The following ASMTL variants were observed in gnomAD, a reference collection of about 807,000 sequenced individuals.
The protein encoded by ASMTL is acetylserotonin O-methyltransferase like.
In ASMTL, 57 loss-of-function variants were observed where a neutral mutation model predicts 60.3. That is an observed-to-expected ratio of 0.95 (90% CI 0.76 to 1.18). ASMTL has a LOEUF of 1.18. Among genes scored for constraint, ASMTL ranks in the 50% most tolerant of loss-of-function variants. The pLI is 0.00. For missense variants in ASMTL, 981 were observed against 852.6 expected (o/e 1.15, Z -1.88); for synonymous variants, 419 against 373.0 (o/e 1.12, Z -1.42).
chrX:1,432,967 A>AGG (rs2090846689), intron 5 of ASMTL, among the ~76,000 whole-genome samples: 1 of 151,054 alleles, frequency 6.6e-6, no homozygotes, highest in Non-Finnish European at 1.5e-5. Context: ...GCGTGGTGGC[A>AGG]TGCACCTGTC....
Position 1,435,622 on chromosome X carries a change from CA to C in ASMTL, c.338+71del, listed in dbSNP as rs1269476326. ...CAGAGATCCACCCTGCTCCCCAGGACACCCGGCCAGATACCACAGCTACTCT... is the reference window on the plus strand; with the variant it reads ...CAGAGATCCACCCTGCTCCCCAGGACCCCGGCCAGATACCACAGCTACTCT... On this transcript the variant is annotated intron_variant, in intron 4 of 12. Coordinates refer to ENST00000381317, the MANE Select transcript of ASMTL (RefSeq NM_004192.4). 861 of 1,470,328 alleles carry C rather than the reference CA, an allele frequency of 5.9e-4. 1 individual carries two copies. The highest frequency in any genetic ancestry group is 9.2e-4 in the Admixed American group (54 of 58,892). 91.1% of individuals were successfully genotyped at this position (1,470,328 alleles called of 1,614,324 possible).
Position 1,432,040 on chromosome X carries a change from T to C in ASMTL, c.509+229A>G, listed in dbSNP as rs1288731458. 11 of 584,338 alleles carry C rather than the reference T, an allele frequency of 1.9e-5. 1 individual carries two copies. The highest frequency in any genetic ancestry group is 4.1e-5 in the South Asian group (2 of 48,752). 36.2% of individuals were successfully genotyped at this position (584,338 alleles called of 1,614,324 possible). A position where few individuals can be genotyped will look rare whatever the true frequency, so the allele number is the denominator to read the frequency against. ...CCCAGTCCCCACCGCAGCCCAGCGT[T>C]GGCTCCCACCCTGCCCCTCTCTGTC... On this transcript the variant is annotated intron_variant, in intron 6 of 12. Coordinates refer to ENST00000381317, the MANE Select transcript of ASMTL (RefSeq NM_004192.4).
intron 11 of ASMTL, among the ~76,000 whole-genome samples, chrX:1,417,439 CAAG>C (rs1156683841): frequency 6.6e-6 from 1 of 151,500 alleles, no homozygotes; most frequent in East Asian, 1.9e-4. Context: ...GACACACACA[CAAG>C]GACATACTAC....
rs190461810 is a variant in ASMTL, at chrX:1,425,242, C to T, written c.1060+283G>A. Among the ~76,000 whole-genome samples, 11 of 152,240 alleles carry T rather than the reference C, an allele frequency of 7.2e-5. No individual in the cohort carries two copies. In the East Asian group the frequency reaches 9.6e-4, roughly 13 times the overall value. ...CAACTAAATCAATGTCTGTGTACAC[C>T]GTATTGGGTTCTGTTTCTCAGGAGA... On this transcript the variant is annotated intron_variant, in intron 8 of 12. Coordinates refer to ENST00000381317, the MANE Select transcript of ASMTL (RefSeq NM_004192.4).
At chrX:1,428,408 G>A (rs1188512822) in intron 6 of ASMTL, among the ~76,000 whole-genome samples, 1 of 151,672 alleles carries the variant, frequency 6.6e-6, no homozygotes, top group Non-Finnish European at 1.5e-5. Context: ...TTGGGAGGCC[G>A]AGACGGGTGG....
upstream of ASMTL, among the ~76,000 whole-genome samples, chrX:1,453,176 G>A (rs1432028097): frequency 6.8e-6 from 1 of 147,052 alleles, no homozygotes; most frequent in Non-Finnish European, 1.5e-5. Context: ...GCCACGCCCA[G>A]GCCACACCTC....
In ASMTL at chrX:1,418,965, G is replaced by GT. The variant is rs1280110967; in HGVS notation, c.1378+16_1378+17insA. Reference sequence around the variant, plus strand: ...ATAAACGAAAGTAAGGAGAGCCCTGGCGGGGGGGCCACCCACCTCCCACGT... The same window carrying GT: ...ATAAACGAAAGTAAGGAGAGCCCTGGTCGGGGGGGCCACCCACCTCCCACGT... On this transcript the variant is annotated intron_variant, in intron 10 of 12. Transcript: ENST00000381317. 4.3e-6 allele frequency: 7 copies of GT among 1,610,872 alleles called. No homozygotes were observed. The African/African-American group carries it at 8.1e-5, about 19-fold the overall frequency.
At chrX:1,444,579 G>A (rs1356389892) in intron 1 of ASMTL, among the ~76,000 whole-genome samples, 3 of 152,092 alleles carry the variant, frequency 2.0e-5, no homozygotes, top group Non-Finnish European at 2.9e-5. Context: ...CAGGTGTTAC[G>A]GACAGAGGCC....
At chrX:1,440,394 A>G (rs2091081733) in intron 2 of ASMTL, among the ~76,000 whole-genome samples, 1 of 152,054 alleles carries the variant, frequency 6.6e-6, no homozygotes, top group African/African-American at 2.4e-5. Context: ...CCGGCCCCGA[A>G]TGTATTTCTT....
chrX:1,439,055 C>T, intron 3 of ASMTL, 42 bp downstream of exon 3: 1 of 1,608,374 alleles, frequency 6.2e-7, no homozygotes. Flanking sequence ...CACAGGAAAA[C>T]CACATCGGAC....
intron 8 of ASMTL, among the ~76,000 whole-genome samples, chrX:1,423,600 CCACCCACCCATCTGCTG>C (rs2090533291): frequency 7.2e-6 from 1 of 139,628 alleles, no homozygotes; most frequent in Non-Finnish European, 1.5e-5. Flanking sequence ...ATCTAGTCAT[CCACCCACCCATCTGCTG>C]ATCCACCCAT....
At position 1,452,841 on chromosome X, in the gene ASMTL, G is replaced by A. The variant is rs372864279; in HGVS notation, c.-1C>T. On this transcript the variant is annotated 5_prime_UTR_variant, in exon 1 of 13. Transcript: ENST00000381317. ...TCCCAATCACCGGGCACAGCACCAT[G>A]GCGTCCACGCCGGGAGCCGGGCGTC... is the stretch of plus-strand genomic sequence containing the variant. 6.2e-5 allele frequency: 98 copies of A among 1,575,702 alleles called. No homozygotes were observed. The Middle Eastern group carries it at 9.1e-4, about 15-fold the overall frequency.
At chrX:1,426,406 G>A (rs73180940) in intron 7 of ASMTL, among the ~76,000 whole-genome samples, 16,890 of 152,012 alleles carry the variant, frequency 0.11, 1,130 homozygotes, top group Admixed American at 0.15. Context: ...TCATCAGCCC[G>A]TCTCCCTGTC....
chrX:1,428,095 T>C lies in ASMTL; in HGVS notation c.536A>G (p.Gln179Arg). Residue 179 changes from glutamine to arginine, a missense_variant, in exon 7 of 13, where the codon CAG becomes CGG. Gln to Arg is a conservative substitution (Grantham distance 43). Coordinates refer to ENST00000381317, the MANE Select transcript of ASMTL (RefSeq NM_004192.4). The part of the protein sequence containing the change: ...PMDKAGGYGI[Q>R]ALGGMLVESV... The stretch of plus-strand genomic sequence containing the variant: ...CTCCACCAGCATGCCGCCCAGGGCC[T>C]GGATCCCGTAGCCGCCAGCTTTGTC... The C allele has an allele frequency of 6.2e-7, 1 of 1,607,540 alleles. No homozygotes were observed. The highest frequency in any genetic ancestry group is 1.1e-5 in the South Asian group (1 of 90,950).
intron 6 of ASMTL, among the ~76,000 whole-genome samples, chrX:1,431,451 A>T (rs181430052): frequency 7.7e-6 from 1 of 129,430 alleles, no homozygotes; most frequent in Non-Finnish European, 1.6e-5. Flanking sequence ...ATAACAGTAT[A>T]TATTATAATA....
chrX:1,421,727 C>G lies in ASMTL; in HGVS notation c.1176G>C (p.Glu392Asp). The G allele has an allele frequency of 1.2e-6, 2 of 1,613,940 alleles. No homozygotes were observed. The highest frequency in any genetic ancestry group is 1.7e-6 in the Non-Finnish European group (2 of 1,179,864). The part of the protein sequence containing the change: ...DLTWNLFTYL[E>D]FAIREGTNQH... ...GGTTTGTTCCCTCTCGGATGGCAAACTCCAGGTATGTAAAGAGGTTCCATG... is the reference window on the plus strand; with the variant it reads ...GGTTTGTTCCCTCTCGGATGGCAAAGTCCAGGTATGTAAAGAGGTTCCATG... Residue 392 changes from glutamate (E) to aspartate (D), a missense_variant, in exon 9 of 13, where the codon GAG becomes GAC. By Grantham distance (45) the Glu-to-Asp change is conservative. Transcript: ENST00000381317.
At chrX:1,444,208 ATTTTTTT>A (rs112915722) in intron 1 of ASMTL, among the ~76,000 whole-genome samples, 2 of 123,510 alleles carry the variant, frequency 1.6e-5, no homozygotes, top group Non-Finnish European at 3.5e-5. Context: ...CACTTTTTGT[ATTTTTTT>A]TTTTTTTTTT....
intron 6 of ASMTL, 101 bp downstream of exon 6, chrX:1,432,168 G>C: frequency 1.0e-6 from 1 of 964,540 alleles, no homozygotes; most frequent in African/African-American, 1.6e-5. Context: ...CCCCGGAGCG[G>C]GGCCTCCTTC....
At chrX:1,444,451 C>T (rs768532622) in intron 1 of ASMTL, among the ~76,000 whole-genome samples, 64 of 152,166 alleles carry the variant, frequency 4.2e-4, no homozygotes, top group African/African-American at 1.1e-3. Flanking sequence ...TCAGGTGATC[C>T]GCCCGCCTCG....
Sources: gnomAD v4.1 joint callset for allele counts (sites outside exome capture counted in the v4.1 genomes callset) on GRCh38, gnomAD v4.1.1 for gene constraint, MANE v1.5 for transcripts, NCBI Gene and HGNC (gene_info 2026-07-23, HGNC 2026-07-21) for gene names.